Variants in SLC7A2 observed in about 807,000 individuals in gnomAD.
The protein encoded by SLC7A2 is solute carrier family 7 member 2.
SLC7A2 carries 48 observed loss-of-function variants against 58.9 expected under a neutral mutation model. The ratio of observed to expected loss-of-function variants is 0.82; its 90% CI spans 0.65 to 1.04. The LOEUF is 1.04. Among genes scored for constraint, SLC7A2 ranks in the 50% least tolerant of loss-of-function variants. The pLI is 0.00. For synonymous variants in SLC7A2, 363 were observed against 314.5 expected (o/e 1.15, Z -1.63); for missense variants, 1,029 against 818.8 (o/e 1.26, Z -3.13).
At chr8:17,515,499 T>G (rs2150676457) in intron 2 of SLC7A2, among the ~76,000 whole-genome samples, 1 of 152,258 alleles carries the variant, frequency 6.6e-6, no homozygotes, top group East Asian at 1.9e-4. Context: ...TTTCACCATG[T>G]TGGCCAGGAT....
chr8:17,541,452 C>T, intron 2 of SLC7A2, among the ~76,000 whole-genome samples: 1 of 152,192 alleles, frequency 6.6e-6, no homozygotes, highest in Non-Finnish European at 1.5e-5. Context: ...CATGCTTTGG[C>T]ACTCTGTCAG....
chr8:17,497,484 G>A (rs1799999403), intron 1 of SLC7A2, among the ~76,000 whole-genome samples: 1 of 152,180 alleles, frequency 6.6e-6, no homozygotes. Flanking sequence ...TCGGGGCTGC[G>A]CCCCGGAATG....
In SLC7A2 at chr8:17,534,615, C is replaced by T. The variant is rs17124775; in HGVS notation, c.-22-8703C>T. 9.1e-3 allele frequency among the ~76,000 whole-genome samples: 1,351 copies of T among 149,170 alleles called. 23 individuals are homozygous for T. Among genetic ancestry groups the T allele is most frequent in the African/African-American group, 0.031 (1,270 of 40,418 alleles). ...AAGGAGCTCAGTGTGGAAATTTTAG[C>T]TGTATTCTTGAGGCATGTATTTAAC... On this transcript the variant is annotated intron_variant, in intron 2 of 12. Transcript: ENST00000494857.
At chr8:17,511,683 T>G (rs531175964) in intron 2 of SLC7A2, among the ~76,000 whole-genome samples, 1 of 152,232 alleles carries the variant, frequency 6.6e-6, no homozygotes, top group East Asian at 1.9e-4. Flanking sequence ...CAGAAATAAC[T>G]GAAGGTGACG....
In SLC7A2 at chr8:17,543,336, C is replaced by G; in HGVS notation, c.-4C>G. ...TGCTCAGGTCGCCTTCGTCAGACGT[C>G]AGAATGATTCCTTGCAGAGCCGCGC... On this transcript the variant is annotated 5_prime_UTR_variant, in exon 3 of 13. Coordinates refer to ENST00000494857, the MANE Select transcript of SLC7A2 (RefSeq NM_001370338.1). The G allele has an allele frequency of 1.2e-6, 2 of 1,608,358 alleles. No homozygotes were observed. The highest frequency in any genetic ancestry group is 1.7e-6 in the Non-Finnish European group (2 of 1,177,208).
chr8:17,529,304 C>T (rs1801341915), intron 2 of SLC7A2, among the ~76,000 whole-genome samples: 1 of 152,060 alleles, frequency 6.6e-6, no homozygotes, highest in Admixed American at 6.6e-5. Flanking sequence ...TCTCTGCTGC[C>T]CTTAGTTGAC....
At chr8:17,547,974 A>T (rs1585247019) in intron 4 of SLC7A2, among the ~76,000 whole-genome samples, 2 of 152,316 alleles carry the variant, frequency 1.3e-5, no homozygotes, top group Middle Eastern at 3.4e-3. Context: ...TTTTGGCACA[A>T]TTGAAGTATT....
At chr8:17,532,125 G>A (rs1017670128) in intron 2 of SLC7A2, among the ~76,000 whole-genome samples, 1 of 150,196 alleles carries the variant, frequency 6.7e-6, no homozygotes, top group African/African-American at 2.5e-5. Flanking sequence ...AGCTACTTGG[G>A]AGGCTGAGGC....
intron 3 of SLC7A2, among the ~76,000 whole-genome samples, chr8:17,544,119 C>G (rs546299095): frequency 6.6e-6 from 1 of 152,334 alleles, no homozygotes; most frequent in South Asian, 2.1e-4. Flanking sequence ...ATCCACTCAC[C>G]TCGGCCTCCC....
At chr8:17,532,328 TC>T in intron 2 of SLC7A2, among the ~76,000 whole-genome samples, 1 of 147,228 alleles carries the variant, frequency 6.8e-6, no homozygotes, top group African/African-American at 2.5e-5. Context: ...CAGGAAAGCT[TC>T]CCTGCTGCCT....
At chr8:17,530,234 A>G (rs1329406566) in intron 2 of SLC7A2, among the ~76,000 whole-genome samples, 1 of 152,152 alleles carries the variant, frequency 6.6e-6, no homozygotes, top group Non-Finnish European at 1.5e-5. Context: ...AAAGCTCAGG[A>G]GCTGACAGAG....
intron 11 of SLC7A2, 79 bp from the exon 12 acceptor site, chr8:17,563,524 A>G (rs1199708827): frequency 9.5e-6 from 8 of 844,144 alleles, no homozygotes; most frequent in Non-Finnish European, 1.4e-5. Flanking sequence ...ATGCCAAATT[A>G]ATTGCCACCC....
intron 2 of SLC7A2, 90 bp downstream of exon 2, chr8:17,502,392 A>G (rs1215155993): frequency 1.3e-5 from 2 of 152,186 alleles, no homozygotes; most frequent in Non-Finnish European, 1.5e-5. Flanking sequence ...ATTTGTGCCT[A>G]TTCCATATTA....
rs78569276 is a variant in SLC7A2, at chr8:17,542,657, A to AAAAAAAAAAAG, written c.-22-658_-22-657insAAAAAAAGAAA. Among the ~76,000 whole-genome samples, 61 of 150,146 alleles carry AAAAAAAAAAAG rather than the reference A, an allele frequency of 4.1e-4. 1 individual carries two copies. Among genetic ancestry groups the AAAAAAAAAAAG allele is most frequent in the Non-Finnish European group, 6.5e-4 (44 of 67,368 alleles). ...CAGAGTGAGACCCTGTCTCAAAAAA[A>AAAAAAAAAAAG]AAAGAAAAAGAACCTGAGTTAAATG... is the stretch of plus-strand genomic sequence containing the variant. On this transcript the variant is annotated intron_variant, in intron 2 of 12. Coordinates refer to ENST00000494857, the MANE Select transcript of SLC7A2 (RefSeq NM_001370338.1).
At position 17,554,702 on chromosome 8, in the gene SLC7A2, G is replaced by A; in HGVS notation, c.1195+3G>A. 1 of 1,604,648 alleles carries A rather than the reference G, an allele frequency of 6.2e-7. No homozygotes were observed. ...TTTATCATCGGGTGCAGTGGCAGGT[G>A]AGAGAGAGTTGACTTTTCTTCAGAA... On this transcript the variant is annotated splice_donor_region_variant and intron_variant, in intron 8 of 12. Coordinates refer to ENST00000494857, the MANE Select transcript of SLC7A2 (RefSeq NM_001370338.1).
rs2517229 is a variant in SLC7A2, at chr8:17,508,354, A to C, written c.-23+6052A>C. On this transcript the variant is annotated intron_variant, in intron 2 of 12. Coordinates refer to ENST00000494857, the MANE Select transcript of SLC7A2 (RefSeq NM_001370338.1). ...AAACAACCTTATTGTTACTCTTATA[A>C]ATTATGTAAAATATTTTTGTATTCT... 8.2e-3 allele frequency among the ~76,000 whole-genome samples: 1,253 copies of C among 152,310 alleles called. 16 individuals are homozygous for C. The highest frequency in any genetic ancestry group is 0.028 in the African/African-American group (1,153 of 41,548).
Position 17,569,578 on chromosome 8 carries a change from A to T in SLC7A2, c.*4432A>T, listed in dbSNP as rs1251526702. ...AGATTTTTTTTCCTTACATGATTATATTAAACACTTTAAAATAGCCTTCCG... is the reference window on the plus strand; with the variant it reads ...AGATTTTTTTTCCTTACATGATTATTTTAAACACTTTAAAATAGCCTTCCG... On this transcript the variant is annotated 3_prime_UTR_variant, in exon 13 of 13. Coordinates refer to ENST00000494857, the MANE Select transcript of SLC7A2 (RefSeq NM_001370338.1). 1 of 152,144 alleles carries T rather than the reference A, an allele frequency of 6.6e-6. No individual in the cohort carries two copies. The highest frequency in any genetic ancestry group is 2.4e-5 in the African/African-American group (1 of 41,428). The allele number at this position is 152,144 out of a possible 1,614,324, so 9.4% of individuals were successfully genotyped here.
chr8:17,564,892 T>G, intron 12 of SLC7A2, 58 bp from the exon 13 acceptor site: 1 of 1,391,402 alleles, frequency 7.2e-7, no homozygotes. Context: ...CTCAATAACT[T>G]AAAAGTCATT....
intron 2 of SLC7A2, among the ~76,000 whole-genome samples, chr8:17,515,667 T>C (rs1800777271): frequency 6.6e-6 from 1 of 152,192 alleles, no homozygotes; most frequent in African/African-American, 2.4e-5. Flanking sequence ...TTTGCTGTAA[T>C]GTACCTACCC....
Sources: allele counts gnomAD v4.1 joint callset (sites outside exome capture counted in the v4.1 genomes callset), GRCh38; gene constraint gnomAD v4.1.1; transcripts MANE v1.5; gene names NCBI Gene and HGNC (gene_info 2026-07-23, HGNC 2026-07-21).